NCR1: variants seen among roughly 807,000 people sequenced by gnomAD.
NCR1 encodes natural cytotoxicity triggering receptor 1.
Under a neutral mutation model 32.5 loss-of-function variants are expected in NCR1, and 30 were observed. The ratio of observed to expected loss-of-function variants is 0.92; its 90% CI spans 0.69 to 1.25. The LOEUF (loss-of-function observed/expected upper bound fraction) is 1.25, where lower values mean the gene tolerates loss of function less well. Among genes scored for constraint, NCR1 ranks in the 50% most tolerant of loss-of-function variants. NCR1 has a pLI of 0.00. For missense variants in NCR1, 369 were observed against 380.7 expected, an observed-to-expected ratio of 0.97 and a Z score of 0.26; for synonymous variants, 169 against 143.4, an observed-to-expected ratio of 1.18 and a Z score of -1.28.
chr19:54,919,716 C>CCCCG (rs2068207424), downstream of NCR1, among the ~76,000 whole-genome samples: 1 of 130,852 alleles, frequency 7.6e-6, no homozygotes, highest in African/African-American at 2.8e-5. Context: ...AAAGGGAGAC[C>CCCCG]CCCCCCCCCA....
chr19:54,902,779 G>A (rs1346048728), upstream of NCR1, among the ~76,000 whole-genome samples: 1 of 152,086 alleles, frequency 6.6e-6, no homozygotes, highest in African/African-American at 2.4e-5. Context: ...AACACCCAGA[G>A]TTATGACAGC....
chr19:54,936,320 CG>C, the NCR1 span: 4 of 1,614,066 alleles, frequency 2.5e-6, no homozygotes, highest in Non-Finnish European at 3.4e-6. Flanking sequence ...TCAGCATCAT[CG>C]TGCGTTCCCA....
chr19:54,906,334 CG>C lies in NCR1; in HGVS notation c.70+1del. 6.2e-7 allele frequency: 1 copy of C among 1,613,568 alleles called. No individual in the cohort carries two copies. Among genetic ancestry groups the C allele is most frequent in the Non-Finnish European group, 8.5e-7 (1 of 1,180,032 alleles). ...GAGTCAGAGGATCAGCGCCCAGCAGCGTGAGTCCTTCCTTCAAAGCCCAGGG... is the reference window on the plus strand; with the variant it reads ...GAGTCAGAGGATCAGCGCCCAGCAGCTGAGTCCTTCCTTCAAAGCCCAGGG... On this transcript the variant is annotated splice_donor_variant, in intron 2 of 6. Coordinates refer to ENST00000291890, the MANE Select transcript of NCR1 (RefSeq NM_004829.7). LOFTEE classifies it high-confidence loss of function.
chr19:54,921,934 T>C, the NCR1 span, among the ~76,000 whole-genome samples: 4 of 151,890 alleles, frequency 2.6e-5, no homozygotes, highest in Non-Finnish European at 5.9e-5. Context: ...TTTGCTCTTA[T>C]TGCCCAGGCT....
upstream of NCR1, among the ~76,000 whole-genome samples, chr19:54,903,703 A>AT (rs1491120230): frequency 1.5e-5 from 2 of 134,400 alleles, no homozygotes; most frequent in Admixed American, 8.3e-5. Context: ...GTATATATAT[A>AT]AAAGGTATAT....
At chr19:54,923,783 G>A in the NCR1 span, 2 of 1,613,964 alleles carry the variant, frequency 1.2e-6, no homozygotes, top group Non-Finnish European at 1.7e-6. Flanking sequence ...TGCCCCGGAA[G>A]CATTGCAATC....
chr19:54,907,687 T>A (rs2146043839), intron 3 of NCR1, among the ~76,000 whole-genome samples: 1 of 152,164 alleles, frequency 6.6e-6, no homozygotes, highest in South Asian at 2.1e-4. Flanking sequence ...TATAATCTTA[T>A]GGGACCACCA....
chr19:54,916,609 T>A (rs1461877372), downstream of NCR1, among the ~76,000 whole-genome samples: 1 of 151,216 alleles, frequency 6.6e-6, no homozygotes, highest in African/African-American at 2.4e-5. Flanking sequence ...CACACCCAGC[T>A]ACTTGTGCTT....
At chr19:54,900,355 G>T in the NCR1 span, among the ~76,000 whole-genome samples, 3 of 152,296 alleles carry the variant, frequency 2.0e-5, no homozygotes, top group Non-Finnish European at 4.4e-5. Context: ...ACAGTCAAAA[G>T]GGGGTTGTTC....
the NCR1 span, among the ~76,000 whole-genome samples, chr19:54,926,873 G>A: frequency 1.7e-3 from 248 of 144,868 alleles, 1 homozygote; most frequent in Admixed American, 3.5e-3. Flanking sequence ...CCGAGATAGC[G>A]CCACTGCACT....
chr19:54,908,127 T>A (rs865904964), intron 3 of NCR1, among the ~76,000 whole-genome samples: 2,893 of 151,952 alleles, frequency 0.019, 75 homozygotes, highest in African/African-American at 0.066. Context: ...TAGGCAGAGG[T>A]CCCTGCGGCC....
chr19:54,910,719 C>T (rs1282616348), intron 5 of NCR1, among the ~76,000 whole-genome samples: 2 of 152,088 alleles, frequency 1.3e-5, no homozygotes, highest in Admixed American at 6.6e-5. Flanking sequence ...CATCGGTCAA[C>T]GTCAGGATAG....
the NCR1 span, among the ~76,000 whole-genome samples, chr19:54,934,079 G>C: frequency 5.3e-5 from 8 of 152,092 alleles, no homozygotes; most frequent in Non-Finnish European, 1.2e-4. The surrounding 1 kb of genome is among the most constrained non-coding windows in gnomAD (Gnocchi z 6.7). Flanking sequence ...GAGTAGCTGG[G>C]ACTACAGGCG....
chr19:54,910,720 G>A (rs1276451777), intron 5 of NCR1, among the ~76,000 whole-genome samples: 2 of 152,160 alleles, frequency 1.3e-5, no homozygotes, highest in Non-Finnish European at 1.5e-5. Context: ...ATCGGTCAAC[G>A]TCAGGATAGC....
the NCR1 span, among the ~76,000 whole-genome samples, chr19:54,899,191 A>C: frequency 6.6e-6 from 1 of 152,082 alleles, no homozygotes; most frequent in Non-Finnish European, 1.5e-5. Flanking sequence ...AATTATTTAG[A>C]TCTTGTAGGA....
At chr19:54,933,508 C>G in the NCR1 span, 448 of 1,582,140 alleles carry the variant, frequency 2.8e-4, no homozygotes, top group Admixed American at 5.7e-4. Context: ...TTAACAAGTA[C>G]TTTCATGTCT....
downstream of NCR1, among the ~76,000 whole-genome samples, chr19:54,919,869 C>T (rs1246086626): frequency 6.6e-6 from 1 of 152,212 alleles, no homozygotes; most frequent in Non-Finnish European, 1.5e-5. Flanking sequence ...TCTGGTGGCC[C>T]TGTCCGGGCA....
chr19:54,923,541 G>C, the NCR1 span: 1 of 648,814 alleles, frequency 1.5e-6, no homozygotes, highest in Non-Finnish European at 2.7e-6. Flanking sequence ...TATTATCCCT[G>C]TGAGAAAGTA....
the NCR1 span, chr19:54,936,402 T>G: frequency 6.2e-7 from 1 of 1,614,128 alleles, no homozygotes; most frequent in Non-Finnish European, 8.5e-7. Context: ...GAAGTCCCGG[T>G]ACGCGGTGTC....
Sources: allele counts gnomAD v4.1 joint callset (sites outside exome capture counted in the v4.1 genomes callset), GRCh38; gene constraint gnomAD v4.1.1; non-coding constraint Gnocchi (gnomAD v3.1); transcripts MANE v1.5; gene names NCBI Gene and HGNC (gene_info 2026-07-23, HGNC 2026-07-21).